The following TMEM63C variants were observed in gnomAD, a reference collection of about 807,000 sequenced individuals.
TMEM63C encodes the protein osmosensitive cation channel TMEM63C.
In TMEM63C, 32 loss-of-function variants were observed where a neutral mutation model predicts 99.2. The ratio of observed to expected loss-of-function variants is 0.32; its 90% CI spans 0.24 to 0.43. The LOEUF (loss-of-function observed/expected upper bound fraction) is 0.43, where lower values mean the gene tolerates loss of function less well. Among genes scored for constraint, TMEM63C ranks in the 20% least tolerant of loss-of-function variants. The pLI is 1.00. For missense variants in TMEM63C, 826 were observed against 1,053.0 expected (o/e 0.78, Z 2.98); for synonymous variants, 376 against 397.9 (o/e 0.94, Z 0.66).
chr14:77,229,369 C>T (rs544451157), intron 6 of TMEM63C, among the ~76,000 whole-genome samples: 51 of 151,934 alleles, frequency 3.4e-4, no homozygotes, highest in Admixed American at 9.2e-4. Context: ...GCACTCCAGC[C>T]GGAGCTATAG....
rs770894907 is a variant in TMEM63C at position 77,246,687 on chromosome 14, A to T, written c.1601+13A>T. 6.2e-6 allele frequency: 10 copies of T among 1,608,614 alleles called. No individual in the cohort carries two copies. The highest frequency in any genetic ancestry group is 1.7e-5 in the Admixed American group (1 of 59,914). ...CCATCAGGTTCCAGTGAGTACTCCCATGTGTCCACCAGGGCTGCTGTGTGT... is the reference window on the plus strand; with the variant it reads ...CCATCAGGTTCCAGTGAGTACTCCCTTGTGTCCACCAGGGCTGCTGTGTGT... On this transcript the variant is annotated intron_variant, in intron 18 of 23. Coordinates refer to ENST00000298351, the MANE Select transcript of TMEM63C (RefSeq NM_020431.4).
At chr14:77,253,683 AG>A (rs538692776) in intron 23 of TMEM63C, among the ~76,000 whole-genome samples, 1 of 152,226 alleles carries the variant, frequency 6.6e-6, no homozygotes, top group Non-Finnish European at 1.5e-5. Context: ...ATGTAGACGC[AG>A]GGGGGCCTGC....
chr14:77,250,731 C>T lies in TMEM63C; in HGVS notation c.2039-1058C>T, dbSNP rs567883921. ...CCTGCCATGGTGGCATCCATACGGT[C>T]GACTCTCAGTCATTTATGTGGCTTA... On this transcript the variant is annotated intron_variant, in intron 21 of 23. Coordinates refer to ENST00000298351, the MANE Select transcript of TMEM63C (RefSeq NM_020431.4). Among the ~76,000 whole-genome samples, 8 of 152,262 alleles carry T rather than the reference C, an allele frequency of 5.3e-5. No homozygotes were observed. In the East Asian group the frequency reaches 5.8e-4, roughly 11 times the overall value.
At chr14:77,230,896 G>A (rs1413428801) in intron 6 of TMEM63C, among the ~76,000 whole-genome samples, 1 of 152,182 alleles carries the variant, frequency 6.6e-6, no homozygotes, top group South Asian at 2.1e-4. Context: ...GTTTGAGGAC[G>A]TTACAAGTAA....
intron 1 of TMEM63C, among the ~76,000 whole-genome samples, chr14:77,195,311 G>A (rs1888196851): frequency 1.3e-5 from 2 of 152,086 alleles, no homozygotes; most frequent in Admixed American, 6.5e-5. Context: ...GCAAGCTGCC[G>A]GGGCTCCCTG....
intron 5 of TMEM63C, among the ~76,000 whole-genome samples, chr14:77,221,421 A>T (rs1403965297): frequency 1.7e-4 from 3 of 18,092 alleles, no homozygotes; most frequent in East Asian, 1.6e-3. Flanking sequence ...TCTCCCACTC[A>T]CGCCTCCCCT....
chr14:77,198,450 G>A (rs536122088), intron 1 of TMEM63C, among the ~76,000 whole-genome samples: 42 of 152,318 alleles, frequency 2.8e-4, no homozygotes, highest in Middle Eastern at 3.4e-3. Flanking sequence ...GTATTTTCCC[G>A]TCTGTGAAAT....
At chr14:77,200,345 C>G (rs1374306839) in intron 1 of TMEM63C, among the ~76,000 whole-genome samples, 3 of 152,202 alleles carry the variant, frequency 2.0e-5, no homozygotes, top group Admixed American at 2.0e-4. Context: ...GTTGTGCCAG[C>G]CACCACCCCT....
intron 1 of TMEM63C, among the ~76,000 whole-genome samples, chr14:77,205,392 C>A (rs1888378948): frequency 6.6e-6 from 1 of 152,208 alleles, no homozygotes. Flanking sequence ...TCAGCCAAGG[C>A]CTTTCTCATT....
At chr14:77,222,248 C>G (rs1055242805) in intron 5 of TMEM63C, among the ~76,000 whole-genome samples, 1 of 152,196 alleles carries the variant, frequency 6.6e-6, no homozygotes, top group Non-Finnish European at 1.5e-5. Context: ...TCTCAGACCT[C>G]CCACCATTCT....
At chr14:77,211,108 G>T (rs147507902) in intron 1 of TMEM63C, among the ~76,000 whole-genome samples, 98 of 152,266 alleles carry the variant, frequency 6.4e-4, no homozygotes, top group African/African-American at 2.2e-3. Context: ...TCTGCTCTCC[G>T]CTGCATCACC....
At chr14:77,253,268 C>T (rs1386031000) in intron 22 of TMEM63C, 37 bp from the exon 23 acceptor site, 2 of 1,596,538 alleles carry the variant, frequency 1.3e-6, no homozygotes, top group African/African-American at 1.3e-5. Context: ...GGGCAAAGAG[C>T]AGGCCTCCTG....
chr14:77,232,936 A>G (rs7143692), intron 7 of TMEM63C, among the ~76,000 whole-genome samples: 38,100 of 152,110 alleles, frequency 0.25, 5,328 homozygotes, highest in African/African-American at 0.38. Flanking sequence ...TGCCACTACT[A>G]GAGTAATATC....
chr14:77,182,229 G>A (rs1887926439), intron 1 of TMEM63C, among the ~76,000 whole-genome samples: 1 of 152,096 alleles, frequency 6.6e-6, no homozygotes, highest in Non-Finnish European at 1.5e-5. Context: ...ACAGCCAGGT[G>A]GGAGTTACCG....
intron 6 of TMEM63C, among the ~76,000 whole-genome samples, chr14:77,228,046 A>G (rs1888862563): frequency 6.6e-6 from 1 of 152,060 alleles, no homozygotes; most frequent in Non-Finnish European, 1.5e-5. Flanking sequence ...CAGAGAGAGG[A>G]GGATGCCGAA....
intron 23 of TMEM63C, among the ~76,000 whole-genome samples, chr14:77,254,856 C>T (rs1303279067): frequency 6.6e-6 from 1 of 152,090 alleles, no homozygotes; most frequent in Non-Finnish European, 1.5e-5. Context: ...GTCCATATTC[C>T]CACCACCCAG....
chr14:77,228,017 G>T (rs950194068), intron 6 of TMEM63C, among the ~76,000 whole-genome samples: 1 of 152,164 alleles, frequency 6.6e-6, no homozygotes, highest in Non-Finnish European at 1.5e-5. Flanking sequence ...GAAGAGGTGT[G>T]GGTGGACGCA....
chr14:77,249,002 C>T lies in TMEM63C; in HGVS notation c.1870+130C>T, dbSNP rs1259395005. The T allele has an allele frequency of 1.2e-5, 11 of 923,306 alleles. No homozygotes were observed. The East Asian group carries it at 1.7e-4, about 14-fold the overall frequency. The allele number at this position is 923,306 out of a possible 1,614,324, so 57.2% of individuals were successfully genotyped here. A position where few individuals can be genotyped will look rare whatever the true frequency, so the allele number is the denominator to read the frequency against. On this transcript the variant is annotated intron_variant, in intron 20 of 23. Transcript: ENST00000298351. ...TGGTAGGGAGGGGTCAGGGCCAGGGCCAAGCTGGGGGTACAGGGCAGCTGA... is the reference window on the plus strand; with the variant it reads ...TGGTAGGGAGGGGTCAGGGCCAGGGTCAAGCTGGGGGTACAGGGCAGCTGA...
At chr14:77,254,820 G>A (rs1307175359) in intron 23 of TMEM63C, among the ~76,000 whole-genome samples, 1 of 152,146 alleles carries the variant, frequency 6.6e-6, no homozygotes, top group Non-Finnish European at 1.5e-5. Context: ...AGGGGGAAAG[G>A]ATAAGCAGAA....
Sources: gnomAD v4.1 joint callset for allele counts (sites outside exome capture counted in the v4.1 genomes callset) on GRCh38, gnomAD v4.1.1 for gene constraint, MANE v1.5 for transcripts, NCBI Gene and HGNC (gene_info 2026-07-23, HGNC 2026-07-21) for gene names.